The following MCTP1 variants were observed in gnomAD, a reference collection of about 807,000 sequenced individuals.
MCTP1 encodes the protein multiple C2 and transmembrane domain-containing protein 1.
MCTP1 carries 69 observed loss-of-function variants against 120.6 expected under a neutral mutation model. That is an observed-to-expected ratio of 0.57 (90% CI 0.47 to 0.70). The LOEUF (loss-of-function observed/expected upper bound fraction) is 0.70. Among genes scored for constraint, MCTP1 ranks in the 30% least tolerant of loss-of-function variants. The pLI, the probability that MCTP1 is intolerant of heterozygous loss-of-function variation, is 0.00. For missense variants in MCTP1, 1,203 were observed against 1,248.8 expected, an observed-to-expected ratio of 0.96 and a Z score of 0.55; for synonymous variants, 529 against 493.1, an observed-to-expected ratio of 1.07 and a Z score of -0.96.
At chr5:95,131,310 T>C (rs1759026294) in intron 1 of MCTP1, among the ~76,000 whole-genome samples, 1 of 152,138 alleles carries the variant, frequency 6.6e-6, no homozygotes, top group Non-Finnish European at 1.5e-5. Flanking sequence ...GAAACACATT[T>C]GTTAATTGTG....
At chr5:95,128,729 G>A (rs1007665001) in intron 1 of MCTP1, among the ~76,000 whole-genome samples, 1 of 152,200 alleles carries the variant, frequency 6.6e-6, no homozygotes, top group African/African-American at 2.4e-5. Context: ...TTCTTCTTGG[G>A]TGAATGAAAA....
chr5:94,916,973 T>A (rs1424145925), intron 8 of MCTP1, among the ~76,000 whole-genome samples: 1 of 152,246 alleles, frequency 6.6e-6, no homozygotes, highest in Admixed American at 6.5e-5. Context: ...ATATTATTTA[T>A]GCTATTTAAA....
intron 10 of MCTP1, among the ~76,000 whole-genome samples, chr5:94,907,225 C>CA (rs1807144202): frequency 6.6e-6 from 1 of 152,142 alleles, no homozygotes; most frequent in Non-Finnish European, 1.5e-5. Context: ...ATCTGGATAT[C>CA]AAAAAGATTT....
chr5:94,954,013 A>AAT (rs200732926), intron 2 of MCTP1, among the ~76,000 whole-genome samples: 171 of 16,884 alleles, frequency 0.01, 29 homozygotes, highest in South Asian at 0.018. Context: ...TATATATACA[A>AAT]ATATATATGC....
chr5:94,738,769 C>T (rs922974457), intron 19 of MCTP1, among the ~76,000 whole-genome samples: 1 of 152,174 alleles, frequency 6.6e-6, no homozygotes, highest in Admixed American at 6.5e-5. Flanking sequence ...GTGAAAAACA[C>T]CTTGAGGACG....
At chr5:95,074,787 A>G (rs1385975959) in intron 1 of MCTP1, among the ~76,000 whole-genome samples, 2 of 152,224 alleles carry the variant, frequency 1.3e-5, no homozygotes, top group African/African-American at 2.4e-5. Context: ...TCGTGGCCAC[A>G]AGGAAATTAG....
chr5:95,210,277 T>G (rs1382498625), intron 1 of MCTP1, among the ~76,000 whole-genome samples: 2 of 152,218 alleles, frequency 1.3e-5, no homozygotes, highest in African/African-American at 4.8e-5. Context: ...AGTGGGGTGT[T>G]AAGGTCTCCC....
At chr5:94,904,909 G>A (rs186686667) in intron 10 of MCTP1, among the ~76,000 whole-genome samples, 27 of 152,258 alleles carry the variant, frequency 1.8e-4, no homozygotes, top group Admixed American at 1.1e-3. Flanking sequence ...CCCTGCCCTC[G>A]TGGAGCTTAC....
At chr5:95,265,868 G>T (rs1758840536) in intron 1 of MCTP1, among the ~76,000 whole-genome samples, 1 of 152,156 alleles carries the variant, frequency 6.6e-6, no homozygotes. Context: ...GTCAGCAAAT[G>T]TTGACAACTG....
At chr5:94,949,422 T>C (rs1416413325) in intron 3 of MCTP1, among the ~76,000 whole-genome samples, 3 of 152,166 alleles carry the variant, frequency 2.0e-5, no homozygotes, top group African/African-American at 7.2e-5. Context: ...ATTTTATAGC[T>C]AATTCTCCAA....
chr5:94,834,989 G>A (rs1257454743), intron 17 of MCTP1, among the ~76,000 whole-genome samples: 1 of 151,656 alleles, frequency 6.6e-6, no homozygotes, highest in Admixed American at 6.6e-5. Flanking sequence ...CGCCCAGCTA[G>A]TTTTGTATTT....
intron 11 of MCTP1, among the ~76,000 whole-genome samples, chr5:94,893,309 A>G (rs1039695569): frequency 6.6e-6 from 1 of 152,230 alleles, no homozygotes; most frequent in Non-Finnish European, 1.5e-5. Context: ...TATAATGCCT[A>G]GAAGAATTTT....
At chr5:94,778,873 A>AT (rs1554095502) in intron 19 of MCTP1, among the ~76,000 whole-genome samples, 11 of 152,078 alleles carry the variant, frequency 7.2e-5, no homozygotes, top group Admixed American at 1.3e-4. Context: ...AAGCTGAATT[A>AT]TTTTTTTGTT....
chr5:94,932,092 C>A (rs531431141), intron 5 of MCTP1, 101 bp from the exon 6 acceptor site: 43 of 756,802 alleles, frequency 5.7e-5, no homozygotes, highest in South Asian at 4.6e-4. Flanking sequence ...CTTGAAACAG[C>A]GAACAGTTCC....
intron 2 of MCTP1, among the ~76,000 whole-genome samples, chr5:94,958,642 C>T (rs988242713): frequency 6.6e-5 from 10 of 152,108 alleles, no homozygotes; most frequent in Non-Finnish European, 1.2e-4. Context: ...CTATAAACAC[C>T]TCTACACAAA....
chr5:95,242,141 A>AAATGAAT (rs1348618544), intron 1 of MCTP1, among the ~76,000 whole-genome samples: 1 of 152,140 alleles, frequency 6.6e-6, no homozygotes, highest in Non-Finnish European at 1.5e-5. Context: ...TTTAACTAAG[A>AAATGAAT]AATGAATAGA....
At chr5:95,270,931 C>CTCAA (rs1554243524) in intron 1 of MCTP1, among the ~76,000 whole-genome samples, 1 of 145,630 alleles carries the variant, frequency 6.9e-6, no homozygotes, top group East Asian at 2.0e-4. Flanking sequence ...CTCTCTCTCT[C>CTCAA]AAAAAAAAAA....
intron 2 of MCTP1, chr5:94,979,541 C>A (rs772413184): frequency 3.3e-5 from 5 of 151,998 alleles, no homozygotes; most frequent in African/African-American, 1.2e-4. Context: ...CTATAGCTTC[C>A]GGCCTCCTTT....
chr5:95,176,660 C>T (rs986914263), intron 1 of MCTP1, among the ~76,000 whole-genome samples: 11 of 152,118 alleles, frequency 7.2e-5, no homozygotes, highest in African/African-American at 2.4e-4. Context: ...CCAGCCTGGC[C>T]AACATGCCAA....
Sources: allele counts gnomAD v4.1 joint callset (sites outside exome capture counted in the v4.1 genomes callset), GRCh38; gene constraint gnomAD v4.1.1; transcripts MANE v1.5; gene names NCBI Gene and HGNC (gene_info 2026-07-23, HGNC 2026-07-21).